Variants in CNTN5 observed in about 807,000 individuals in gnomAD.
CNTN5 encodes the protein contactin-5.
A neutral mutation model predicts 129.1 loss-of-function variants in CNTN5; 77 were observed. The ratio of observed to expected loss-of-function variants is 0.60; its 90% CI spans 0.50 to 0.72. The LOEUF is 0.72. CNTN5 is among the 30% of genes least tolerant of loss of function. The pLI is 0.00. For missense variants in CNTN5, 1,478 were observed against 1,328.8 expected, an observed-to-expected ratio of 1.11 and a Z score of -1.75; for synonymous variants, 509 against 465.6, an observed-to-expected ratio of 1.09 and a Z score of -1.20.
At chr11:100,021,578 A>G (rs753060604) in intron 9 of CNTN5, among the ~76,000 whole-genome samples, 4 of 152,172 alleles carry the variant, frequency 2.6e-5, no homozygotes, top group Non-Finnish European at 4.4e-5. Context: ...TTTATACATG[A>G]TAATATTTTT....
intron 1 of CNTN5, among the ~76,000 whole-genome samples, chr11:99,162,053 G>C (rs1409835539): frequency 1.3e-5 from 2 of 152,022 alleles, no homozygotes; most frequent in Admixed American, 6.6e-5. Flanking sequence ...AGTGTGTATT[G>C]CTTCTACAAC....
In CNTN5 at chr11:99,456,194, C is replaced by G. The variant is rs77676173; in HGVS notation, c.-70-99951C>G. Among the ~76,000 whole-genome samples, 887 of 152,068 alleles carry G rather than the reference C, an allele frequency of 5.8e-3. 9 individuals are homozygous for G. The highest frequency in any genetic ancestry group is 0.02 in the African/African-American group (834 of 41,512). On this transcript the variant is annotated intron_variant, in intron 2 of 24. Transcript: ENST00000524871. ...TGCATTAAATTGGATGCAAACTTTT[C>G]TAAAACTGAAAGGAAAATAAATATG...
At chr11:99,618,536 G>T (rs1423296812) in intron 3 of CNTN5, among the ~76,000 whole-genome samples, 2 of 152,078 alleles carry the variant, frequency 1.3e-5, no homozygotes, top group African/African-American at 2.4e-5. Context: ...AGAGGAAATT[G>T]GTATCCTAAG....
intron 1 of CNTN5, among the ~76,000 whole-genome samples, chr11:99,196,016 A>T (rs1591343152): frequency 6.6e-6 from 1 of 151,978 alleles, no homozygotes; most frequent in East Asian, 1.9e-4. Context: ...GTCACAGAGG[A>T]TGATATTGTA....
intron 6 of CNTN5, among the ~76,000 whole-genome samples, chr11:99,879,601 T>C (rs1458471793): frequency 6.6e-6 from 1 of 152,204 alleles, no homozygotes; most frequent in African/African-American, 2.4e-5. Context: ...TGGGTTTTTT[T>C]TCTGATTTGT....
chr11:99,838,180 TG>T (rs1947365426), intron 4 of CNTN5, among the ~76,000 whole-genome samples: 1 of 152,154 alleles, frequency 6.6e-6, no homozygotes, highest in African/African-American at 2.4e-5. Context: ...GACAATAATC[TG>T]TTATGACCTC....
chr11:99,296,265 T>C (rs1864387565), intron 1 of CNTN5, among the ~76,000 whole-genome samples: 1 of 152,106 alleles, frequency 6.6e-6, no homozygotes, highest in Non-Finnish European at 1.5e-5. Flanking sequence ...TCCAGGAGTA[T>C]GGAGGCACCC....
chr11:99,161,457 C>T (rs973808543), intron 1 of CNTN5, among the ~76,000 whole-genome samples: 1 of 151,798 alleles, frequency 6.6e-6, no homozygotes, highest in Non-Finnish European at 1.5e-5. Flanking sequence ...GCAGAAGTCA[C>T]TGAGGGGTGT....
At chr11:99,460,434 A>G (rs939675298) in intron 2 of CNTN5, among the ~76,000 whole-genome samples, 9 of 152,020 alleles carry the variant, frequency 5.9e-5, no homozygotes, top group Admixed American at 1.3e-4. Context: ...CATTATTTTC[A>G]GGAAAGACAT....
chr11:99,524,499 C>T (rs181736932), intron 2 of CNTN5, among the ~76,000 whole-genome samples: 9 of 152,074 alleles, frequency 5.9e-5, no homozygotes, highest in East Asian at 5.8e-4. Flanking sequence ...TGAAATAATA[C>T]GTGTGTCAAT....
chr11:99,385,965 G>T (rs1940900620), intron 2 of CNTN5, among the ~76,000 whole-genome samples: 1 of 152,196 alleles, frequency 6.6e-6, no homozygotes, highest in Non-Finnish European at 1.5e-5. Context: ...AAGACTTAGA[G>T]AAATTTATGA....
intron 13 of CNTN5, among the ~76,000 whole-genome samples, chr11:100,117,873 G>A (rs536380836): frequency 6.6e-6 from 1 of 151,762 alleles, no homozygotes; most frequent in Admixed American, 6.6e-5. Context: ...TCTCCACTAC[G>A]GCATTAATGT....
At chr11:99,868,875 T>C (rs909601537) in intron 6 of CNTN5, among the ~76,000 whole-genome samples, 1 of 152,118 alleles carries the variant, frequency 6.6e-6, no homozygotes, top group Non-Finnish European at 1.5e-5. Flanking sequence ...TGAAACCATG[T>C]TTTAGGTACA....
chr11:100,150,547 ACT>A (rs1947020317), intron 13 of CNTN5, among the ~76,000 whole-genome samples: 1 of 151,532 alleles, frequency 6.6e-6, no homozygotes, highest in African/African-American at 2.4e-5. Context: ...TATTTCAAAA[ACT>A]CTATAATTTT....
intron 13 of CNTN5, among the ~76,000 whole-genome samples, chr11:100,095,486 A>G (rs1944976074): frequency 6.6e-6 from 1 of 152,120 alleles, no homozygotes; most frequent in South Asian, 2.1e-4. Context: ...GCAACACAGT[A>G]CACATCATGG....
intron 1 of CNTN5, among the ~76,000 whole-genome samples, chr11:99,088,401 A>G (rs1048347382): frequency 6.6e-6 from 1 of 152,152 alleles, no homozygotes; most frequent in African/African-American, 2.4e-5. Context: ...TTCGGCCTTG[A>G]GATCAAGGCC....
intron 4 of CNTN5, among the ~76,000 whole-genome samples, chr11:99,835,559 C>T (rs1377649462): frequency 1.3e-5 from 2 of 152,116 alleles, no homozygotes; most frequent in Non-Finnish European, 2.9e-5. Flanking sequence ...ACTTTAAAAT[C>T]CAAAACAAGA....
intron 1 of CNTN5, among the ~76,000 whole-genome samples, chr11:99,156,791 A>G (rs1385226734): frequency 1.3e-5 from 2 of 152,046 alleles, no homozygotes; most frequent in Non-Finnish European, 2.9e-5. Context: ...ATTCAAGAAA[A>G]CCATCAAAAG....
intron 6 of CNTN5, among the ~76,000 whole-genome samples, chr11:99,883,709 G>T: frequency 6.6e-6 from 1 of 152,162 alleles, no homozygotes; most frequent in Non-Finnish European, 1.5e-5. Flanking sequence ...TATTTATAAA[G>T]TATGGCTGTC....
Sources: allele counts gnomAD v4.1 joint callset (sites outside exome capture counted in the v4.1 genomes callset), GRCh38; gene constraint gnomAD v4.1.1; transcripts MANE v1.5; gene names NCBI Gene and HGNC (gene_info 2026-07-23, HGNC 2026-07-21).